Variants in ADGRL3 observed in about 807,000 individuals in gnomAD.
The protein encoded by ADGRL3 is calcium-independent alpha-latrotoxin receptor 3.
Under a neutral mutation model 153.5 loss-of-function variants are expected in ADGRL3, and 62 were observed. That is an observed-to-expected ratio of 0.40 (90% CI 0.33 to 0.50). The LOEUF is 0.50. ADGRL3 is among the 20% of genes least tolerant of loss of function. The pLI is 0.47. For missense variants in ADGRL3, 1,641 were observed against 1,859.4 expected, an observed-to-expected ratio of 0.88 and a Z score of 2.16; for synonymous variants, 710 against 672.5, an observed-to-expected ratio of 1.06 and a Z score of -0.86.
In ADGRL3 at chr4:61,497,314, A is replaced by C. The variant is rs559113755; in HGVS notation, c.21A>C (p.Leu7=). The C allele has an allele frequency of 1.2e-6, 2 of 1,606,484 alleles. No homozygotes were observed. Among genetic ancestry groups the C allele is most frequent in the Non-Finnish European group, 1.7e-6 (2 of 1,177,348 alleles). The change falls in exon 3 of 27, where the codon CTA becomes CTC. Residue 7 remains leucine (L), a synonymous_variant. Transcript: ENST00000683033. MWPSQL[L]IFMMLLAPII... ...CAGCCATGTGGCCATCGCAGCTACT[A>C]ATTTTCATGATGCTCTTAGCTCCAA...
rs115368144 is a variant in ADGRL3, at chr4:61,675,466, G to T, written c.474-1360G>T. ...AAATTTTTGAATTTAGAACGTTTCT[G>T]AGTGAAATTCACAGTAATTAGTCCA... On this transcript the variant is annotated intron_variant, in intron 5 of 26. Coordinates refer to ENST00000683033, the MANE Select transcript of ADGRL3 (RefSeq NM_001387552.1). Among the ~76,000 whole-genome samples, 368 of 151,882 alleles carry T rather than the reference G, an allele frequency of 2.4e-3. 7 individuals are homozygous for T. The highest frequency in any genetic ancestry group is 8.4e-3 in the African/African-American group (349 of 41,506).
intron 5 of ADGRL3, among the ~76,000 whole-genome samples, chr4:61,632,046 C>T (rs1000718689): frequency 1.3e-5 from 2 of 152,122 alleles, no homozygotes; most frequent in African/African-American, 2.4e-5. Context: ...AGTATCTAGA[C>T]AACTTCTTAG....
intron 8 of ADGRL3, among the ~76,000 whole-genome samples, chr4:61,751,122 G>A (rs1168419275): frequency 6.6e-6 from 1 of 152,122 alleles, no homozygotes; most frequent in Admixed American, 6.6e-5. Context: ...GCTCCTTAAT[G>A]ATAATCTAAC....
chr4:62,016,547 G>A (rs1336330623), intron 21 of ADGRL3, among the ~76,000 whole-genome samples: 8 of 152,108 alleles, frequency 5.3e-5, no homozygotes, highest in Non-Finnish European at 1.5e-5. Context: ...TTTCTCTTCT[G>A]TTCCATGGGC....
chr4:61,438,075 A>C (rs2097475212), intron 2 of ADGRL3, among the ~76,000 whole-genome samples: 2 of 152,118 alleles, frequency 1.3e-5, no homozygotes, highest in Non-Finnish European at 2.9e-5. Flanking sequence ...AGGGGCTGGC[A>C]ACTTATTTTG....
At chr4:61,706,795 C>CT (rs950591500) in intron 6 of ADGRL3, among the ~76,000 whole-genome samples, 1 of 152,096 alleles carries the variant, frequency 6.6e-6, no homozygotes, top group Non-Finnish European at 1.5e-5. Flanking sequence ...AACTGTTTTG[C>CT]TTTTTTAATA....
At chr4:61,507,876 T>C (rs1206692291) in intron 3 of ADGRL3, among the ~76,000 whole-genome samples, 1 of 152,178 alleles carries the variant, frequency 6.6e-6, no homozygotes, top group Non-Finnish European at 1.5e-5. Context: ...GGCAGTATGA[T>C]TAAGGTAGAG....
intron 4 of ADGRL3, among the ~76,000 whole-genome samples, chr4:61,522,534 T>C (rs940550724): frequency 6.6e-6 from 1 of 152,138 alleles, no homozygotes; most frequent in African/African-American, 2.4e-5. Context: ...TTACGTACGA[T>C]GATGTAATAA....
At chr4:61,798,171 T>C (rs2097438472) in intron 8 of ADGRL3, among the ~76,000 whole-genome samples, 3 of 152,214 alleles carry the variant, frequency 2.0e-5, no homozygotes, top group Admixed American at 6.5e-5. Flanking sequence ...TATTGTCTTG[T>C]GTTGTACTTA....
At chr4:61,845,400 G>T (rs1266968534) in intron 9 of ADGRL3, among the ~76,000 whole-genome samples, 1 of 151,610 alleles carries the variant, frequency 6.6e-6, no homozygotes, top group Non-Finnish European at 1.5e-5. Flanking sequence ...CCTGGGCTGG[G>T]AGTACAGTGG....
intron 25 of ADGRL3, among the ~76,000 whole-genome samples, chr4:62,049,115 A>G (rs567071015): frequency 1.3e-5 from 2 of 151,788 alleles, no homozygotes; most frequent in East Asian, 3.9e-4. Flanking sequence ...TTTTCTTTTT[A>G]TTTAATTAGT....
chr4:61,766,821 T>C (rs2096987919), intron 8 of ADGRL3, among the ~76,000 whole-genome samples: 2 of 151,900 alleles, frequency 1.3e-5, no homozygotes, highest in South Asian at 2.1e-4. Flanking sequence ...GAGGCAGGTA[T>C]TGAGGATAGG....
intron 21 of ADGRL3, among the ~76,000 whole-genome samples, chr4:62,007,355 A>ATT (rs1177949658): frequency 1.2e-4 from 1 of 8,478 alleles, no homozygotes; most frequent in African/African-American, 3.8e-4. Context: ...GGACAAAATG[A>ATT]TTATATATAT....
intron 4 of ADGRL3, among the ~76,000 whole-genome samples, chr4:61,560,555 G>A (rs1429718505): frequency 6.6e-6 from 1 of 152,114 alleles, no homozygotes; most frequent in Admixed American, 6.6e-5. Context: ...GGGGATACCT[G>A]CCTTTGGAGG....
chr4:61,955,023 C>T (rs962469628), intron 17 of ADGRL3, among the ~76,000 whole-genome samples: 3 of 152,136 alleles, frequency 2.0e-5, no homozygotes, highest in South Asian at 4.1e-4. Context: ...CTGAACGTTG[C>T]TTAGAAAATT....
At chr4:61,276,641 A>G (rs2093474146) in intron 1 of ADGRL3, among the ~76,000 whole-genome samples, 1 of 152,150 alleles carries the variant, frequency 6.6e-6, no homozygotes, top group Admixed American at 6.6e-5. Flanking sequence ...AGTAAAATAT[A>G]ACTGATCTTC....
intron 9 of ADGRL3, among the ~76,000 whole-genome samples, chr4:61,879,805 G>C (rs909355057): frequency 5.3e-5 from 8 of 152,046 alleles, no homozygotes; most frequent in Admixed American, 1.3e-4. Flanking sequence ...CTGCAGCCTT[G>C]AACTCCTGGG....
chr4:61,275,123 C>G (rs989282608), intron 1 of ADGRL3, among the ~76,000 whole-genome samples: 3 of 152,138 alleles, frequency 2.0e-5, no homozygotes, highest in Non-Finnish European at 2.9e-5. Flanking sequence ...TGGAGTCAAC[C>G]TGCTATACTG....
chr4:61,435,069 G>A (rs952269239), intron 2 of ADGRL3, among the ~76,000 whole-genome samples: 5 of 152,030 alleles, frequency 3.3e-5, no homozygotes, highest in East Asian at 3.9e-4. Flanking sequence ...TAAAAGCAAA[G>A]TAATCTACAT....
Sources: gnomAD v4.1 joint callset for allele counts (sites outside exome capture counted in the v4.1 genomes callset) on GRCh38, gnomAD v4.1.1 for gene constraint, MANE v1.5 for transcripts, NCBI Gene and HGNC (gene_info 2026-07-23, HGNC 2026-07-21) for gene names.